Variants in MOK observed in about 807,000 individuals in gnomAD.
MOK encodes the protein MOK protein kinase.
In MOK, 59 loss-of-function variants were observed where a neutral mutation model predicts 54.2. The observed-to-expected ratio is 1.09, with a 90% CI of 0.88 to 1.35. The LOEUF (loss-of-function observed/expected upper bound fraction) is 1.35. Ranked by LOEUF, MOK falls within the 40% of genes most tolerant of loss-of-function variation. The probability of loss-of-function intolerance (pLI) is 0.00; values close to 1 mark genes in which losing one functional copy is unlikely to be tolerated. For missense variants in MOK, 517 were observed against 526.2 expected, an observed-to-expected ratio of 0.98 and a Z score of 0.17; for synonymous variants, 210 against 202.7, an observed-to-expected ratio of 1.04 and a Z score of -0.31.
chr14:102,299,634 G>A (rs1168342801), intron 1 of MOK, among the ~76,000 whole-genome samples: 2 of 152,082 alleles, frequency 1.3e-5, no homozygotes, highest in Non-Finnish European at 2.9e-5. Context: ...CATCCAGGCT[G>A]GAGAGCAGTG....
chr14:102,286,114 A>G (rs942766172), intron 1 of MOK, among the ~76,000 whole-genome samples: 12 of 150,694 alleles, frequency 8.0e-5, no homozygotes, highest in African/African-American at 2.9e-4. Context: ...CCTGGCTAAC[A>G]CGGTGAAACC....
rs763747863 is a variant in MOK, at chr14:102,283,476, A to G, written c.122+2T>C. 12 of 1,604,168 alleles carry G rather than the reference A, an allele frequency of 7.5e-6. No individual in the cohort carries two copies. The South Asian group carries it at 1.1e-4, about 15-fold the overall frequency. Reference sequence around the variant, plus strand: ...GGTCCCAAGTGCATCTCTGTAGCCTACCTTTCAAAGCGCTGCTTCATTTGT... The same window carrying G: ...GGTCCCAAGTGCATCTCTGTAGCCTGCCTTTCAAAGCGCTGCTTCATTTGT... On this transcript the variant is annotated splice_donor_variant, in intron 2 of 11. Coordinates refer to ENST00000361847, the MANE Select transcript of MOK (RefSeq NM_014226.3). LOFTEE classifies it high-confidence loss of function.
At chr14:102,297,132 C>A (rs1169439802) in intron 1 of MOK, among the ~76,000 whole-genome samples, 2 of 151,794 alleles carry the variant, frequency 1.3e-5, no homozygotes, top group African/African-American at 4.8e-5. Flanking sequence ...CCAAGGTGGG[C>A]AGATCACGAG....
At chr14:102,289,076 T>G (rs2153180770) in intron 1 of MOK, among the ~76,000 whole-genome samples, 1 of 152,250 alleles carries the variant, frequency 6.6e-6, no homozygotes, top group Non-Finnish European at 1.5e-5. Flanking sequence ...CTAATTGTTT[T>G]GTATTTTTTG....
intron 4 of MOK, among the ~76,000 whole-genome samples, chr14:102,253,864 A>T (rs902511793): frequency 6.6e-6 from 1 of 152,238 alleles, no homozygotes; most frequent in East Asian, 1.9e-4. Context: ...ACCATTTGAC[A>T]CTTTTGGTCC....
chr14:102,214,774 T>A, the MOK span: 3 of 979,358 alleles, frequency 3.1e-6, no homozygotes, highest in Non-Finnish European at 3.6e-6. Flanking sequence ...TAACATGAAA[T>A]ATTGGTAAAT....
At chr14:102,267,076 C>T (rs1350700883) in intron 2 of MOK, among the ~76,000 whole-genome samples, 1 of 152,174 alleles carries the variant, frequency 6.6e-6, no homozygotes, top group African/African-American at 2.4e-5. Flanking sequence ...CACGGTAGGC[C>T]CATGGGGTCA....
intron 4 of MOK, among the ~76,000 whole-genome samples, chr14:102,258,139 C>T (rs1406170519): frequency 2.0e-5 from 3 of 152,208 alleles, no homozygotes; most frequent in Non-Finnish European, 4.4e-5. Context: ...CTTCTGTGAT[C>T]GTTTTGGAAA....
chr14:102,217,334 C>T, the MOK span, among the ~76,000 whole-genome samples: 3 of 152,232 alleles, frequency 2.0e-5, no homozygotes, highest in Non-Finnish European at 2.9e-5. Context: ...TTTCTTCCAC[C>T]TTCAGATCGC....
chr14:102,247,894 C>A (rs1356202601), intron 7 of MOK, among the ~76,000 whole-genome samples: 1 of 152,218 alleles, frequency 6.6e-6, no homozygotes, highest in South Asian at 2.1e-4. Context: ...ATGGCTAATG[C>A]CCCTCTTAGG....
intron 4 of MOK, among the ~76,000 whole-genome samples, chr14:102,261,408 AAAAAAAAAAAATAT>A: frequency 1.3e-5 from 1 of 79,380 alleles, no homozygotes; most frequent in Non-Finnish European, 2.4e-5. Context: ...AAAAAAAAAA[AAAAAAAAAAAATAT>A]ATATATATAT....
intron 2 of MOK, among the ~76,000 whole-genome samples, chr14:102,272,833 C>T (rs2068490061): frequency 6.6e-6 from 1 of 152,124 alleles, no homozygotes; most frequent in Admixed American, 6.6e-5. Flanking sequence ...CCGCTACTTG[C>T]ATTCAATATT....
intron 2 of MOK, among the ~76,000 whole-genome samples, chr14:102,280,450 A>G (rs779542668): frequency 6.6e-6 from 1 of 152,098 alleles, no homozygotes; most frequent in Non-Finnish European, 1.5e-5. Context: ...GGCTCAAGCA[A>G]TTCTCCCACC....
intron 1 of MOK, among the ~76,000 whole-genome samples, chr14:102,297,274 C>T (rs984383237): frequency 7.2e-5 from 11 of 152,016 alleles, no homozygotes; most frequent in Non-Finnish European, 1.0e-4. Flanking sequence ...AGGAGAATGG[C>T]ATGAACCCAG....
chr14:102,276,830 AC>A (rs1223010034), intron 2 of MOK, among the ~76,000 whole-genome samples: 5 of 151,480 alleles, frequency 3.3e-5, no homozygotes, highest in Admixed American at 1.3e-4. Context: ...TGAAATATGC[AC>A]CAGTAGAATT....
At chr14:102,219,409 C>T in the MOK span, among the ~76,000 whole-genome samples, 7 of 152,232 alleles carry the variant, frequency 4.6e-5, no homozygotes, top group Admixed American at 4.6e-4. Context: ...CTGTGTCGCA[C>T]CCCCTGCTTC....
Position 102,235,055 on chromosome 14 carries a change from G to A in MOK, c.591-1266C>T, listed in dbSNP as rs1172261133. On this transcript the variant is annotated intron_variant, in intron 7 of 11. Coordinates refer to ENST00000361847, the MANE Select transcript of MOK (RefSeq NM_014226.3). The surrounding 1 kb of genome is among the most constrained non-coding windows in gnomAD (Gnocchi z 4.4). ...TCGACAACATCCTAATCCTCCACCG[G>A]AACAGCATGACCCCCCACCGTATGC... is the stretch of plus-strand genomic sequence containing the variant. 1 of 151,730 alleles carries A rather than the reference G, an allele frequency of 6.6e-6. No individual in the cohort carries two copies. The highest frequency in any genetic ancestry group is 1.5e-5 in the Non-Finnish European group (1 of 67,952). 9.4% of individuals were successfully genotyped at this position (151,730 alleles called of 1,614,324 possible).
chr14:102,252,064 A>AG, intron 4 of MOK, 69 bp from the exon 5 acceptor site: 15 of 929,804 alleles, frequency 1.6e-5, no homozygotes, highest in Non-Finnish European at 2.2e-5. Flanking sequence ...AAATAAAAAT[A>AG]ATCTATTTTT....
intron 1 of MOK, among the ~76,000 whole-genome samples, chr14:102,300,967 C>T (rs763155415): frequency 6.6e-6 from 1 of 151,916 alleles, no homozygotes; most frequent in Non-Finnish European, 1.5e-5. Flanking sequence ...TGTGGTGGTG[C>T]GCCTAAAATC....
Sources: gnomAD v4.1 joint callset for allele counts (sites outside exome capture counted in the v4.1 genomes callset) on GRCh38, gnomAD v4.1.1 for gene constraint, Gnocchi (gnomAD v3.1) non-coding constraint, MANE v1.5 for transcripts, NCBI Gene and HGNC (gene_info 2026-07-23, HGNC 2026-07-21) for gene names.